PLPP4: variants seen among roughly 807,000 people sequenced by gnomAD.
The protein encoded by PLPP4 is diacylglycerol pyrophosphate like 2.
Under a neutral mutation model 32.2 loss-of-function variants are expected in PLPP4, and 20 were observed. That is an observed-to-expected ratio of 0.62 (90% CI 0.44 to 0.90). PLPP4 has a LOEUF of 0.90. Ranked by LOEUF, PLPP4 falls within the 40% of genes least tolerant of loss-of-function variation. The pLI is 0.00. For missense variants in PLPP4, 257 were observed against 353.1 expected (o/e 0.73, Z 2.18); for synonymous variants, 127 against 133.0 (o/e 0.95, Z 0.31).
At chr10:120,514,798 T>G (rs1845874010) in intron 3 of PLPP4, among the ~76,000 whole-genome samples, 5 of 152,198 alleles carry the variant, frequency 3.3e-5, no homozygotes, top group Admixed American at 3.3e-4. Flanking sequence ...AGGTTGATTT[T>G]TTCTTTTTTT....
At position 120,567,827 on chromosome 10, in the gene PLPP4, A is replaced by G. The variant is rs897885946; in HGVS notation, c.446-7304A>G. Among the ~76,000 whole-genome samples the G allele has an allele frequency of 2.6e-5, 4 of 152,216 alleles. No individual in the cohort carries two copies. In the South Asian group the frequency reaches 8.3e-4, roughly 32 times the overall value. On this transcript the variant is annotated intron_variant, in intron 5 of 6. Transcript: ENST00000398250. Reference sequence around the variant, plus strand: ...CACAGTTCTCATATAAACATAAAATATATCTTTCTAAATTCAGATGGCATA... The same window carrying G: ...CACAGTTCTCATATAAACATAAAATGTATCTTTCTAAATTCAGATGGCATA...
chr10:120,543,384 A>C (rs1175320518), intron 5 of PLPP4, among the ~76,000 whole-genome samples: 1 of 152,146 alleles, frequency 6.6e-6, no homozygotes, highest in Non-Finnish European at 1.5e-5. Context: ...GTTACCCCTG[A>C]TAGCTCCTAT....
At chr10:120,485,399 C>T (rs1342437985) in intron 1 of PLPP4, among the ~76,000 whole-genome samples, 1 of 152,224 alleles carries the variant, frequency 6.6e-6, no homozygotes, top group Admixed American at 6.5e-5. Flanking sequence ...CTCTCTTTTC[C>T]ATACCCAAAC....
rs895990173 is a variant in PLPP4 at position 120,591,413 on chromosome 10, A to C, written c.*1911A>C. 2.6e-5 allele frequency among the ~76,000 whole-genome samples: 4 copies of C among 152,224 alleles called. No individual in the cohort carries two copies. Among genetic ancestry groups the C allele is most frequent in the Non-Finnish European group, 5.9e-5 (4 of 68,048 alleles). On this transcript the variant is annotated 3_prime_UTR_variant, in exon 7 of 7. Transcript: ENST00000398250. ...TGATTTTTTAAAAATTATAGCAGTT[A>C]CATTGGCAAGCAACTTTGAAGATGA...
intron 1 of PLPP4, among the ~76,000 whole-genome samples, chr10:120,485,246 C>A (rs2133825202): frequency 6.6e-6 from 1 of 152,362 alleles, no homozygotes; most frequent in South Asian, 2.1e-4. Flanking sequence ...CCCCCTAGAG[C>A]TCCCTGAAGG....
chr10:120,466,042 G>A (rs959139901), intron 1 of PLPP4, among the ~76,000 whole-genome samples: 16 of 151,770 alleles, frequency 1.1e-4, no homozygotes, highest in Non-Finnish European at 1.5e-4. Context: ...ATATACATAC[G>A]GGTGGAACTG....
intron 5 of PLPP4, among the ~76,000 whole-genome samples, chr10:120,537,465 A>G (rs1847083050): frequency 6.6e-6 from 1 of 152,254 alleles, no homozygotes; most frequent in Admixed American, 6.5e-5. Context: ...GCATGATCTT[A>G]CATACATAGA....
In PLPP4 at chr10:120,512,766, TCA is replaced by T. The variant is rs1435387506; in HGVS notation, c.166-1143_166-1142del. On this transcript the variant is annotated intron_variant, in intron 2 of 6. Coordinates refer to ENST00000398250, the MANE Select transcript of PLPP4 (RefSeq NM_001030059.3). ...AGGTGGAGGTTGCAGTGAGCGGAGA[TCA>T]CTCCACTGCACTCCAGCCTGGTGAC... Among the ~76,000 whole-genome samples, 272 of 152,170 alleles carry T rather than the reference TCA, an allele frequency of 1.8e-3. 1 individual carries two copies. Among genetic ancestry groups the T allele is most frequent in the African/African-American group, 6.3e-3 (263 of 41,500 alleles).
At chr10:120,563,193 C>A (rs1564842000) in intron 5 of PLPP4, among the ~76,000 whole-genome samples, 1 of 152,124 alleles carries the variant, frequency 6.6e-6, no homozygotes, top group Non-Finnish European at 1.5e-5. Context: ...GTGCGGAGAT[C>A]GCGCCACTGC....
At chr10:120,565,163 G>T (rs1848626727) in intron 5 of PLPP4, among the ~76,000 whole-genome samples, 1 of 152,118 alleles carries the variant, frequency 6.6e-6, no homozygotes, top group South Asian at 2.1e-4. Context: ...ATTCTAGCTT[G>T]ATTCTTTCTC....
intron 3 of PLPP4, among the ~76,000 whole-genome samples, chr10:120,515,176 C>A (rs1217606831): frequency 6.6e-6 from 1 of 152,078 alleles, no homozygotes; most frequent in Admixed American, 6.5e-5. Context: ...AATTACAGGG[C>A]TCTGATAAGC....
chr10:120,565,226 A>C (rs1225840152), intron 5 of PLPP4, among the ~76,000 whole-genome samples: 1 of 152,002 alleles, frequency 6.6e-6, no homozygotes, highest in African/African-American at 2.4e-5. Flanking sequence ...CAGATATGCC[A>C]GTATCTTTGC....
intron 6 of PLPP4, among the ~76,000 whole-genome samples, chr10:120,588,144 A>G (rs184346652): frequency 3.0e-4 from 46 of 152,342 alleles, no homozygotes; most frequent in African/African-American, 9.4e-4. Context: ...AAGAGTTTCA[A>G]ATTTTTTTGT....
intron 1 of PLPP4, among the ~76,000 whole-genome samples, chr10:120,459,291 T>C (rs1847934682): frequency 6.6e-6 from 1 of 152,222 alleles, no homozygotes; most frequent in Non-Finnish European, 1.5e-5. Context: ...AGGTTTCTTA[T>C]CAAGTTGTTA....
chr10:120,495,288 G>A (rs1844909698), intron 1 of PLPP4, among the ~76,000 whole-genome samples: 1 of 152,064 alleles, frequency 6.6e-6, no homozygotes, highest in Admixed American at 6.5e-5. Context: ...GCTTTGTTTT[G>A]GGGGATAGCC....
At chr10:120,531,349 C>T (rs1384410129) in intron 5 of PLPP4, among the ~76,000 whole-genome samples, 3 of 152,076 alleles carry the variant, frequency 2.0e-5, no homozygotes, top group African/African-American at 7.2e-5. Flanking sequence ...CATGATCCGA[C>T]CGCCTCAGCC....
At chr10:120,529,185 CGTGTGTGT>C (rs71819744) in intron 5 of PLPP4, among the ~76,000 whole-genome samples, 1 of 150,596 alleles carries the variant, frequency 6.6e-6, no homozygotes, top group Non-Finnish European at 1.5e-5. Context: ...CACAAGTGTG[CGTGTGTGT>C]GTGTGTGTGC....
intron 1 of PLPP4, among the ~76,000 whole-genome samples, chr10:120,474,968 A>G (rs1843830528): frequency 6.6e-6 from 1 of 152,208 alleles, no homozygotes; most frequent in Non-Finnish European, 1.5e-5. Context: ...CAGTGTTTTG[A>G]GTGAAAATTT....
intron 2 of PLPP4, among the ~76,000 whole-genome samples, chr10:120,506,930 T>C (rs960303662): frequency 6.6e-6 from 1 of 152,232 alleles, no homozygotes; most frequent in South Asian, 2.1e-4. Context: ...TCTTTTCAGA[T>C]GCACTCAAAA....
Sources: gnomAD v4.1 joint callset for allele counts (sites outside exome capture counted in the v4.1 genomes callset) on GRCh38, gnomAD v4.1.1 for gene constraint, MANE v1.5 for transcripts, NCBI Gene and HGNC (gene_info 2026-07-23, HGNC 2026-07-21) for gene names.